IL1RAPL1: variants seen among roughly 807,000 people sequenced by gnomAD.
The protein encoded by IL1RAPL1 is interleukin-1 receptor accessory protein-like 1.
A neutral mutation model predicts 48.4 loss-of-function variants in IL1RAPL1; 3 were observed. The ratio of observed to expected loss-of-function variants is 0.06; its 90% CI spans 0.03 to 0.16. The LOEUF is 0.16. IL1RAPL1 is among the 10% of genes least tolerant of loss of function. The pLI, the probability that IL1RAPL1 is intolerant of heterozygous loss-of-function variation, is 1.00. For synonymous variants in IL1RAPL1, 185 were observed against 187.7 expected, an observed-to-expected ratio of 0.99 and a Z score of 0.12; for missense variants, 349 against 530.6, an observed-to-expected ratio of 0.66 and a Z score of 3.36.
chrX:29,405,577 G>A (rs1249584005), intron 5 of IL1RAPL1, among the ~76,000 whole-genome samples: 2 of 100,871 alleles, frequency 2.0e-5, no homozygotes, highest in Admixed American at 1.0e-4. Context: ...CGTTTTAGCC[G>A]GGATGGTCTC....
At chrX:29,491,480 G>A (rs1295364706) in intron 5 of IL1RAPL1, among the ~76,000 whole-genome samples, 3 of 111,996 alleles carry the variant, frequency 2.7e-5, no homozygotes, top group Non-Finnish European at 3.8e-5. Context: ...ATGGCTCATT[G>A]ATGAATGCAA....
intron 2 of IL1RAPL1, among the ~76,000 whole-genome samples, chrX:29,141,627 A>ATT (rs971950845): frequency 8.9e-6 from 1 of 111,923 alleles, no homozygotes; most frequent in African/African-American, 3.2e-5. Context: ...ATAATGCTTT[A>ATT]TTAATGAGCA....
chrX:28,691,693 CT>C (rs1384938192), intron 1 of IL1RAPL1, among the ~76,000 whole-genome samples: 1 of 111,538 alleles, frequency 9.0e-6, no homozygotes, highest in African/African-American at 3.3e-5. Flanking sequence ...GTCTTTCTCT[CT>C]TTCTTTCTCC....
intron 5 of IL1RAPL1, among the ~76,000 whole-genome samples, chrX:29,507,363 C>CCCA (rs1935343887): frequency 3.3e-4 from 1 of 3,068 alleles, no homozygotes; most frequent in African/African-American, 9.9e-4. Flanking sequence ...CTCCCCTTCT[C>CCCA]TCCCCTCCCT....
intron 2 of IL1RAPL1, among the ~76,000 whole-genome samples, chrX:29,020,403 A>G (rs922101052): frequency 1.8e-5 from 2 of 112,150 alleles, no homozygotes; most frequent in African/African-American, 6.5e-5. Context: ...CCATTGTGTT[A>G]CAGTTGCCTA....
chrX:29,056,797 G>A (rs1299310590), intron 2 of IL1RAPL1, among the ~76,000 whole-genome samples: 2 of 111,678 alleles, frequency 1.8e-5, no homozygotes, highest in Non-Finnish European at 3.8e-5. Context: ...AGTAGACATG[G>A]CACTTCAACC....
At chrX:29,457,436 G>A (rs1008816483) in intron 5 of IL1RAPL1, among the ~76,000 whole-genome samples, 2 of 110,891 alleles carry the variant, frequency 1.8e-5, no homozygotes, top group African/African-American at 6.6e-5. Flanking sequence ...GAGAACATGC[G>A]GTCTTTGGTT....
At chrX:29,880,747 C>G (rs1320764338) in intron 6 of IL1RAPL1, among the ~76,000 whole-genome samples, 1 of 110,986 alleles carries the variant, frequency 9.0e-6, no homozygotes, top group African/African-American at 3.3e-5. Flanking sequence ...AAACTGCATT[C>G]AAAAGAATAA....
intron 1 of IL1RAPL1, among the ~76,000 whole-genome samples, chrX:28,705,908 G>A (rs1935369456): frequency 8.9e-6 from 1 of 111,956 alleles, no homozygotes; most frequent in African/African-American, 3.2e-5. Context: ...GTGGCTTGCT[G>A]TGTAGGCTGC....
intron 3 of IL1RAPL1, among the ~76,000 whole-genome samples, chrX:29,375,192 A>T (rs1288400258): frequency 1.4e-5 from 1 of 72,492 alleles, no homozygotes; most frequent in Non-Finnish European, 2.5e-5. Context: ...ATGGAGTCTC[A>T]CTCTTGTTGT....
intron 3 of IL1RAPL1, among the ~76,000 whole-genome samples, chrX:29,313,278 TGTGTGTGTGC>T (rs1437632166): frequency 3.6e-5 from 3 of 82,750 alleles, no homozygotes; most frequent in African/African-American, 1.1e-4. Flanking sequence ...TGTGTGTGTG[TGTGTGTGTGC>T]GCGCGCACAT....
chrX:29,598,997 T>C (rs73219672), intron 5 of IL1RAPL1, among the ~76,000 whole-genome samples: 3,708 of 112,185 alleles, frequency 0.033, 77 homozygotes, highest in Admixed American at 0.061. Context: ...CTCTTATGTA[T>C]CTTTTAAAGT....
intron 8 of IL1RAPL1, among the ~76,000 whole-genome samples, chrX:29,937,934 T>A (rs113050366): frequency 0.023 from 2,539 of 111,841 alleles, 76 homozygotes; most frequent in African/African-American, 0.077. Context: ...TTATTCTTGC[T>A]TATTGCTCAT....
chrX:29,416,181 C>T (rs1934213468), intron 5 of IL1RAPL1, among the ~76,000 whole-genome samples: 1 of 111,527 alleles, frequency 9.0e-6, no homozygotes, highest in South Asian at 3.8e-4. Context: ...GATAATGGTA[C>T]ACTAATAACT....
chrX:29,621,305 C>G (rs1025226532), intron 5 of IL1RAPL1, among the ~76,000 whole-genome samples: 10 of 110,553 alleles, frequency 9.0e-5, no homozygotes, highest in Non-Finnish European at 1.7e-4. Flanking sequence ...TATATGCATA[C>G]AAAACATACA....
At chrX:28,964,896 C>T (rs1294808794) in intron 2 of IL1RAPL1, among the ~76,000 whole-genome samples, 1 of 110,806 alleles carries the variant, frequency 9.0e-6, no homozygotes, top group African/African-American at 3.3e-5. Context: ...TGCGTACATG[C>T]ATGTGTGAAT....
At chrX:29,842,864 T>C (rs1931163358) in intron 6 of IL1RAPL1, among the ~76,000 whole-genome samples, 1 of 111,937 alleles carries the variant, frequency 8.9e-6, no homozygotes, top group Non-Finnish European at 1.9e-5. Context: ...TCACTAGTAC[T>C]TGTGGCATTA....
intron 2 of IL1RAPL1, among the ~76,000 whole-genome samples, chrX:29,241,525 G>A (rs140484673): frequency 9.0e-6 from 1 of 111,322 alleles, no homozygotes; most frequent in African/African-American, 3.3e-5. Flanking sequence ...ATCTGTGGTG[G>A]CTCCTGGAAA....
intron 3 of IL1RAPL1, among the ~76,000 whole-genome samples, chrX:29,297,526 T>C (rs1004505358): frequency 6.2e-5 from 7 of 112,349 alleles, no homozygotes; most frequent in Non-Finnish European, 1.1e-4. Flanking sequence ...TGTTTGTGGC[T>C]ACTGTTTTAG....
Sources: allele counts gnomAD v4.1 joint callset (sites outside exome capture counted in the v4.1 genomes callset), GRCh38; gene constraint gnomAD v4.1.1; transcripts MANE v1.5; gene names NCBI Gene and HGNC (gene_info 2026-07-23, HGNC 2026-07-21).